INTS7: variants seen among roughly 807,000 people sequenced by gnomAD.
INTS7 encodes the protein integrator complex subunit 7.
A neutral mutation model predicts 109.2 loss-of-function variants in INTS7; 46 were observed. The observed-to-expected ratio is 0.42, with a 90% CI of 0.33 to 0.54. INTS7 has a LOEUF of 0.54. Among genes scored for constraint, INTS7 ranks in the 20% least tolerant of loss-of-function variants. The pLI is 0.07. For synonymous variants in INTS7, 412 were observed against 402.9 expected (o/e 1.02, Z -0.27); for missense variants, 929 against 1,132.4 (o/e 0.82, Z 2.58).
intron 7 of INTS7, among the ~76,000 whole-genome samples, chr1:211,996,992 C>A (rs977302045): frequency 3.9e-5 from 6 of 152,068 alleles, no homozygotes; most frequent in African/African-American, 1.2e-4. Flanking sequence ...CCACTGCACT[C>A]CAGCCTGGGC....
rs956245073 is a variant in INTS7, at chr1:211,940,472, C to T, written c.*1352G>A. 3 of 152,164 alleles carry T rather than the reference C, an allele frequency of 2.0e-5. No individual in the cohort carries two copies. Among genetic ancestry groups the T allele is most frequent in the Non-Finnish European group, 4.4e-5 (3 of 68,014 alleles). The allele number at this position is 152,164 out of a possible 1,614,324, so 9.4% of individuals were successfully genotyped here. A position where few individuals can be genotyped will look rare whatever the true frequency, so the allele number is the denominator to read the frequency against. ...GTACCCTGCTTTACCTTAGGAGCTG[C>T]ATCCGGCCAAATTACTTATAGCATC... is the stretch of plus-strand genomic sequence containing the variant. On this transcript the variant is annotated 3_prime_UTR_variant, in exon 20 of 20. Coordinates refer to ENST00000366994, the MANE Select transcript of INTS7 (RefSeq NM_015434.4).
intron 16 of INTS7, among the ~76,000 whole-genome samples, chr1:211,958,561 T>A (rs1663469172): frequency 1.3e-5 from 2 of 152,218 alleles, no homozygotes; most frequent in Admixed American, 1.3e-4. Context: ...TGGGTTTATA[T>A]GTTTAATTAA....
chr1:212,027,778 G>A (rs948894557), intron 1 of INTS7, among the ~76,000 whole-genome samples: 1 of 152,092 alleles, frequency 6.6e-6, no homozygotes, highest in Non-Finnish European at 1.5e-5. Context: ...TAAATATATG[G>A]GGCAGAGTCC....
intron 13 of INTS7, among the ~76,000 whole-genome samples, chr1:211,970,654 G>T (rs1415827590): frequency 6.6e-6 from 1 of 152,038 alleles, no homozygotes; most frequent in Non-Finnish European, 1.5e-5. Flanking sequence ...ATCTTCAAAA[G>T]GAACTTCACA....
At chr1:211,968,404 T>A in intron 14 of INTS7, 109 bp downstream of exon 14, 1 of 885,318 alleles carries the variant, frequency 1.1e-6, no homozygotes, top group Non-Finnish European at 1.7e-6. Flanking sequence ...TAAACATTTA[T>A]GATAATGTCT....
intron 1 of INTS7, among the ~76,000 whole-genome samples, chr1:212,027,562 C>A (rs1022413222): frequency 2.6e-5 from 4 of 152,118 alleles, no homozygotes; most frequent in South Asian, 2.1e-4. Context: ...GCATGTAGAC[C>A]AGGGAAACTA....
intron 7 of INTS7, among the ~76,000 whole-genome samples, chr1:212,004,711 T>A (rs2102464695): frequency 1.3e-5 from 2 of 152,274 alleles, no homozygotes; most frequent in East Asian, 3.9e-4. Context: ...ATTCCAAATA[T>A]ATAAAAAATA....
chr1:211,979,512 T>C (rs1484712042), intron 10 of INTS7, among the ~76,000 whole-genome samples: 2 of 152,184 alleles, frequency 1.3e-5, no homozygotes, highest in Non-Finnish European at 2.9e-5. Context: ...TCAACAAAGA[T>C]TGGCACATAA....
chr1:212,028,953 C>A (rs1667041323), intron 1 of INTS7, among the ~76,000 whole-genome samples: 1 of 152,142 alleles, frequency 6.6e-6, no homozygotes, highest in South Asian at 2.1e-4. Flanking sequence ...ATAGTGCTAA[C>A]CACTATGCTA....
chr1:212,010,657 T>C (rs915849235), intron 5 of INTS7, among the ~76,000 whole-genome samples: 1 of 152,190 alleles, frequency 6.6e-6, no homozygotes, highest in Non-Finnish European at 1.5e-5. Context: ...CCTGTAGTCA[T>C]TGTAACACCA....
At position 211,942,124 on chromosome 1, in the gene INTS7, A is replaced by T; in HGVS notation, c.2602-13T>A. 6.2e-7 allele frequency: 1 copy of T among 1,610,068 alleles called. No individual in the cohort carries two copies. Among genetic ancestry groups the T allele is most frequent in the Non-Finnish European group, 8.5e-7 (1 of 1,177,214 alleles). ...TGTCAATGGGTATCTGCAATGAAAC[A>T]ATTGTTAACTAACAACAATGGCTAA... On this transcript the variant is annotated splice_polypyrimidine_tract_variant and intron_variant, in intron 19 of 19. Transcript: ENST00000366994. The surrounding 1 kb of genome is among the most constrained non-coding windows in gnomAD (Gnocchi z 4.2).
chr1:211,986,084 A>T (rs1664882602), intron 8 of INTS7, among the ~76,000 whole-genome samples: 2 of 152,230 alleles, frequency 1.3e-5, no homozygotes, highest in Non-Finnish European at 1.5e-5. Flanking sequence ...GCTGCAAGCA[A>T]AAGGTTGACA....
intron 1 of INTS7, among the ~76,000 whole-genome samples, chr1:212,029,416 A>G (rs1180360854): frequency 6.6e-6 from 1 of 152,220 alleles, no homozygotes; most frequent in Non-Finnish European, 1.5e-5. Flanking sequence ...TGCTGCTGCC[A>G]TGGCAGAACT....
intron 16 of INTS7, 89 bp from the exon 17 acceptor site, chr1:211,952,790 T>C (rs1558023116): frequency 2.6e-6 from 3 of 1,155,422 alleles, no homozygotes; most frequent in Admixed American, 2.5e-5. Flanking sequence ...CATATTTTCA[T>C]TTAATTTTTA....
intron 1 of INTS7, among the ~76,000 whole-genome samples, chr1:212,026,605 G>A (rs1436621983): frequency 6.6e-6 from 1 of 152,068 alleles, no homozygotes; most frequent in African/African-American, 2.4e-5. Flanking sequence ...TATGAAAAAC[G>A]GGTCAAGGGA....
intron 7 of INTS7, among the ~76,000 whole-genome samples, chr1:211,992,697 T>A (rs1008364655): frequency 6.6e-6 from 1 of 151,892 alleles, no homozygotes; most frequent in African/African-American, 2.4e-5. Context: ...ATAATAATAA[T>A]AAAATTAAAA....
intron 1 of INTS7, among the ~76,000 whole-genome samples, chr1:212,024,792 T>C (rs905677320): frequency 1.3e-5 from 2 of 152,242 alleles, no homozygotes; most frequent in African/African-American, 4.8e-5. Context: ...AATTTTCTGC[T>C]GTGATAAGAA....
chr1:212,004,132 G>A (rs929748899), intron 7 of INTS7, among the ~76,000 whole-genome samples: 3 of 152,132 alleles, frequency 2.0e-5, no homozygotes, highest in African/African-American at 4.8e-5. Flanking sequence ...ATTGCTTGAG[G>A]TCAAGAGTTC....
chr1:211,971,915 C>CAAAAAAAAAAAAAAAAAAAG (rs1664190065), intron 13 of INTS7, among the ~76,000 whole-genome samples: 1 of 79,818 alleles, frequency 1.3e-5, no homozygotes, highest in Non-Finnish European at 2.4e-5. Flanking sequence ...AACTCAGTCT[C>CAAAAAAAAAAAAAAAAAAAG]AAAAAAAAAA....
Sources: allele counts gnomAD v4.1 joint callset (sites outside exome capture counted in the v4.1 genomes callset), GRCh38; gene constraint gnomAD v4.1.1; non-coding constraint Gnocchi (gnomAD v3.1); transcripts MANE v1.5; gene names NCBI Gene and HGNC (gene_info 2026-07-23, HGNC 2026-07-21).